Variants in STRAP observed in about 807,000 individuals in gnomAD.
STRAP encodes the protein serine-threonine kinase receptor-associated protein.
STRAP carries 16 observed loss-of-function variants against 47.0 expected under a neutral mutation model. The ratio of observed to expected loss-of-function variants is 0.34; its 90% CI spans 0.23 to 0.52. The LOEUF is 0.52. STRAP is among the 20% of genes least tolerant of loss of function. The probability of loss-of-function intolerance (pLI) is 0.96; values close to 1 mark genes in which losing one functional copy is unlikely to be tolerated. For synonymous variants in STRAP, 130 were observed against 142.7 expected, an observed-to-expected ratio of 0.91 and a Z score of 0.63; for missense variants, 293 against 420.0, an observed-to-expected ratio of 0.70 and a Z score of 2.64.
rs749702060 is a variant in STRAP at position 15,885,180 on chromosome 12, GTTTTTT to G, written c.248+1524_248+1529del. Among the ~76,000 whole-genome samples the G allele has an allele frequency of 2.7e-3, 266 of 99,570 alleles. 1 individual carries two copies. Among genetic ancestry groups the G allele is most frequent in the African/African-American group, 0.011 (261 of 23,352 alleles). 65.3% of individuals were successfully genotyped at this position (99,570 alleles called of 152,430 possible). A position where few individuals can be genotyped will look rare whatever the true frequency, so the allele number is the denominator to read the frequency against. On this transcript the variant is annotated intron_variant, in intron 2 of 9. Transcript: ENST00000419869. ...TAAGAGGCTAGAGAGTACAAGTGGT[GTTTTTT>G]TTTTTTTTTTTTTTTTTTTAAAGAC...
At chr12:15,883,520 G>A in intron 1 of STRAP, 21 bp from the exon 2 acceptor site, 1 of 1,604,526 alleles carries the variant, frequency 6.2e-7, no homozygotes, top group Non-Finnish European at 8.5e-7. Flanking sequence ...TAAATTACAT[G>A]TTTTAAAAAA....
At chr12:15,897,772 A>C in intron 6 of STRAP, 110 bp from the exon 7 acceptor site, 1 of 704,972 alleles carries the variant, frequency 1.4e-6, no homozygotes, top group East Asian at 3.2e-5. Context: ...TGTTTGAGTA[A>C]ATGAGTATTT....
At chr12:15,885,659 T>C (rs923390581) in intron 2 of STRAP, among the ~76,000 whole-genome samples, 2 of 152,056 alleles carry the variant, frequency 1.3e-5, no homozygotes, top group African/African-American at 4.8e-5. Flanking sequence ...ACAGTGTTGT[T>C]TTTATGCTTT....
At chr12:15,902,840 G>A (rs1365519499) in intron 9 of STRAP, 77 bp from the exon 10 acceptor site, 13 of 1,418,156 alleles carry the variant, frequency 9.2e-6, no homozygotes, top group Non-Finnish European at 1.2e-5. Flanking sequence ...TCATTACACA[G>A]AAATGTAGAT....
chr12:15,902,619 G>A (rs1049780891), intron 9 of STRAP, among the ~76,000 whole-genome samples: 2 of 152,152 alleles, frequency 1.3e-5, no homozygotes, highest in Non-Finnish European at 2.9e-5. Context: ...CTTTAATTCC[G>A]GGTTTGTTAT....
intron 2 of STRAP, among the ~76,000 whole-genome samples, chr12:15,884,131 C>T (rs1166546858): frequency 2.0e-5 from 3 of 152,098 alleles, no homozygotes; most frequent in African/African-American, 4.8e-5. Context: ...CTCAGCTGCT[C>T]GTCATTTCCT....
Position 15,902,908 on chromosome 12 carries a change from T to TTTTTTTTA in STRAP, c.992-9_992-8insTTTTTTTA, listed in dbSNP as rs1555146490. On this transcript the variant is annotated splice_polypyrimidine_tract_variant and intron_variant, in intron 9 of 9. Transcript: ENST00000419869. ...GACTTTTTTTTTTTTTTTTTTTTTT[T>TTTTTTTTA]ACTTATAGAAGAAATTGCTTCAGAG... The TTTTTTTTA allele has an allele frequency of 1.3e-6, 2 of 1,493,844 alleles. No individual in the cohort carries two copies. Among genetic ancestry groups the TTTTTTTTA allele is most frequent in the Admixed American group, 2.3e-5 (1 of 43,398 alleles). The allele number at this position is 1,493,844 out of a possible 1,614,324, so 92.5% of individuals were successfully genotyped here. A position where few individuals can be genotyped will look rare whatever the true frequency, so the allele number is the denominator to read the frequency against.
Position 15,896,277 on chromosome 12 carries a change from T to G in STRAP, c.638+781T>G, listed in dbSNP as rs1311586817. Among the ~76,000 whole-genome samples, 1 of 152,166 alleles carries G rather than the reference T, an allele frequency of 6.6e-6. No individual in the cohort carries two copies. The highest frequency in any genetic ancestry group is 1.5e-5 in the Non-Finnish European group (1 of 68,014). On this transcript the variant is annotated intron_variant, in intron 6 of 9. Coordinates refer to ENST00000419869, the MANE Select transcript of STRAP (RefSeq NM_007178.4). The surrounding 1 kb of genome is among the most constrained non-coding windows in gnomAD (Gnocchi z 4.1). ...AAAAACAGTGTGATCTTGATTCTAC[T>G]ATTTATTTTCACCTTAAAGTTTTAG...
chr12:15,892,482 G>A (rs917664980), intron 4 of STRAP, among the ~76,000 whole-genome samples: 2 of 151,900 alleles, frequency 1.3e-5, no homozygotes, highest in Non-Finnish European at 2.9e-5. Context: ...TATATATTTG[G>A]TATCTTTCAG....
At chr12:15,884,193 G>C (rs1305385928) in intron 2 of STRAP, among the ~76,000 whole-genome samples, 1 of 152,178 alleles carries the variant, frequency 6.6e-6, no homozygotes. Flanking sequence ...CTTATATCTA[G>C]ATTATCATCA....
chr12:15,882,955 C>A, intron 1 of STRAP, 136 bp downstream of exon 1: 1 of 1,347,500 alleles, frequency 7.4e-7, no homozygotes, highest in Non-Finnish European at 1.0e-6. Flanking sequence ...TGAGAGCCAA[C>A]ACTGGTCCGG....
rs781191784 is a variant in STRAP at position 15,890,037 on chromosome 12, G to A, written c.330+28G>A. 2.0e-5 allele frequency: 32 copies of A among 1,593,328 alleles called. No individual in the cohort carries two copies. In the Middle Eastern group the frequency reaches 5.0e-4, roughly 25 times the overall value. ...ATCAGAAAATGGAATTTATTTTAGC[G>A]AGTTAAGTTGCTGGTACATAGTGTG... On this transcript the variant is annotated intron_variant, in intron 3 of 9. Coordinates refer to ENST00000419869, the MANE Select transcript of STRAP (RefSeq NM_007178.4). This position sits in a 1 kb window ranked among gnomAD's most constrained non-coding sequence, Gnocchi z 4.5.
intron 4 of STRAP, among the ~76,000 whole-genome samples, chr12:15,893,284 A>G (rs966890269): frequency 1.3e-5 from 2 of 151,666 alleles, no homozygotes; most frequent in Non-Finnish European, 2.9e-5. Flanking sequence ...ATTATTTACT[A>G]TCAATAGCTG....
Position 15,887,521 on chromosome 12 carries a change from G to C in STRAP, c.249-2407G>C, listed in dbSNP as rs574636966. ...ACATTTAGATTAGATCCATTTTAGG[G>C]CTCTTACTGTGAATAATGGAAATCT... On this transcript the variant is annotated intron_variant, in intron 2 of 9. Transcript: ENST00000419869. The surrounding 1 kb of genome is among the most constrained non-coding windows in gnomAD (Gnocchi z 5.5). 9.3e-4 allele frequency among the ~76,000 whole-genome samples: 142 copies of C among 152,260 alleles called. No individual in the cohort carries two copies. The highest frequency in any genetic ancestry group is 2.3e-3 in the Admixed American group (35 of 15,300).
intron 4 of STRAP, among the ~76,000 whole-genome samples, chr12:15,891,305 G>A (rs1329309650): frequency 6.6e-6 from 1 of 152,118 alleles, no homozygotes; most frequent in East Asian, 1.9e-4. Context: ...TATAGAAGTT[G>A]GTGATGGTGA....
At chr12:15,900,391 G>A (rs981917704) in intron 8 of STRAP, among the ~76,000 whole-genome samples, 2 of 151,984 alleles carry the variant, frequency 1.3e-5, no homozygotes, top group African/African-American at 4.8e-5. Context: ...TTAGCCAGGT[G>A]TGGTGGTACA....
intron 2 of STRAP, among the ~76,000 whole-genome samples, chr12:15,886,847 A>G (rs1181399319): frequency 6.6e-6 from 1 of 152,196 alleles, no homozygotes; most frequent in Admixed American, 6.5e-5. Flanking sequence ...AATTTAGCAG[A>G]ATAGGTCTGT....
In STRAP at chr12:15,890,977, T is replaced by C. The variant is rs1412632268; in HGVS notation, c.403+308T>C. Reference sequence around the variant, plus strand: ...TGGGAGGCTGAGGCAGGAGAATCGCTTGAACCCGGGAGGTGGAGGTTGCAG... The same window carrying C: ...TGGGAGGCTGAGGCAGGAGAATCGCCTGAACCCGGGAGGTGGAGGTTGCAG... On this transcript the variant is annotated intron_variant, in intron 4 of 9. Transcript: ENST00000419869. The surrounding 1 kb of genome is among the most constrained non-coding windows in gnomAD (Gnocchi z 4.5). 6.6e-6 allele frequency among the ~76,000 whole-genome samples: 1 copy of C among 151,920 alleles called. No homozygotes were observed. The highest frequency in any genetic ancestry group is 1.5e-5 in the Non-Finnish European group (1 of 67,974).
intron 4 of STRAP, among the ~76,000 whole-genome samples, chr12:15,892,187 C>G (rs1219203254): frequency 6.6e-6 from 1 of 152,058 alleles, no homozygotes; most frequent in East Asian, 1.9e-4. Flanking sequence ...TGCCTGTCTA[C>G]CTTTTGTCCA....
Sources: gnomAD v4.1 joint callset for allele counts (sites outside exome capture counted in the v4.1 genomes callset) on GRCh38, gnomAD v4.1.1 for gene constraint, Gnocchi (gnomAD v3.1) non-coding constraint, MANE v1.5 for transcripts, NCBI Gene and HGNC (gene_info 2026-07-23, HGNC 2026-07-21) for gene names.